Variants in NRXN1 observed in about 807,000 individuals in gnomAD.
The protein encoded by NRXN1 is neurexin-1.
Under a neutral mutation model 150.9 loss-of-function variants are expected in NRXN1, and 39 were observed. The observed-to-expected ratio is 0.26, with a 90% CI of 0.20 to 0.34. NRXN1 has a LOEUF of 0.34. Among genes scored for constraint, NRXN1 ranks in the 10% least tolerant of loss-of-function variants. The pLI, the probability that NRXN1 is intolerant of heterozygous loss-of-function variation, is 1.00. For missense variants in NRXN1, 1,815 were observed against 1,949.9 expected (o/e 0.93, Z 1.30); for synonymous variants, 924 against 757.0 (o/e 1.22, Z -3.62).
intron 15 of NRXN1, among the ~76,000 whole-genome samples, chr2:50,478,902 G>A (rs977068052): frequency 6.6e-6 from 1 of 152,070 alleles, no homozygotes. Flanking sequence ...GACATTTGTT[G>A]TTTCGTTTTC....
chr2:50,540,993 G>A (rs977299126), intron 9 of NRXN1, among the ~76,000 whole-genome samples: 1 of 151,922 alleles, frequency 6.6e-6, no homozygotes, highest in African/African-American at 2.4e-5. Context: ...AAAGAGAGAA[G>A]GATTCTACTC....
At chr2:50,006,624 T>A (rs1684807837) in intron 21 of NRXN1, among the ~76,000 whole-genome samples, 1 of 152,208 alleles carries the variant, frequency 6.6e-6, no homozygotes, top group African/African-American at 2.4e-5. Flanking sequence ...ACATTGCCTG[T>A]TGATATACCC....
chr2:50,946,019 G>T (rs1690322692), intron 2 of NRXN1, among the ~76,000 whole-genome samples: 1 of 151,092 alleles, frequency 6.6e-6, no homozygotes, highest in Non-Finnish European at 1.5e-5. Context: ...CACTTACTCT[G>T]GAATGACCAT....
intron 17 of NRXN1, among the ~76,000 whole-genome samples, chr2:50,264,276 G>A (rs1164507751): frequency 6.6e-6 from 1 of 151,936 alleles, no homozygotes; most frequent in Non-Finnish European, 1.5e-5. Context: ...ACAATTGAAC[G>A]CACACATACG....
chr2:50,497,990 TAAAC>T lies in NRXN1; in HGVS notation c.2498-280_2498-277del, dbSNP rs202093097. On this transcript the variant is annotated intron_variant, in intron 13 of 22. Transcript: ENST00000401669. ...AATGGTATCTTTTAAAGGCGAAAAA[TAAAC>T]AAATTAGCAAGAGAGTGAGCACATA... Among the ~76,000 whole-genome samples the T allele has an allele frequency of 4.0e-5, 6 of 151,812 alleles. No individual in the cohort carries two copies. The East Asian group carries it at 9.7e-4, about 25-fold the overall frequency.
rs755865232 is a variant in NRXN1 at position 50,472,424 on chromosome 2, G to C, written c.3118C>G (p.Pro1040Ala). 3.7e-6 allele frequency: 6 copies of C among 1,612,062 alleles called. No homozygotes were observed. Among genetic ancestry groups the C allele is most frequent in the Admixed American group, 1.7e-5 (1 of 59,770 alleles). ...GVAKETYKSL[P>A]KLVHAKEGFQ... Reference sequence around the variant, plus strand: ...CCTTCTTTGGCATGTACAAGTTTTGGTAAGGATTTGTATGTTTCTTTAGCT... The same window carrying C: ...CCTTCTTTGGCATGTACAAGTTTTGCTAAGGATTTGTATGTTTCTTTAGCT... The change falls in exon 16 of 23, where the codon CCA becomes GCA. Residue 1040 changes from proline (P) to alanine (A), a missense_variant. Transcript: ENST00000401669.
intron 17 of NRXN1, among the ~76,000 whole-genome samples, chr2:50,314,056 G>C (rs1251299814): frequency 2.0e-5 from 3 of 152,160 alleles, no homozygotes; most frequent in African/African-American, 7.2e-5. Flanking sequence ...GAACCTCAAA[G>C]AGAAAAAGAA....
chr2:50,803,016 G>C (rs914282863), intron 5 of NRXN1, among the ~76,000 whole-genome samples: 2 of 152,130 alleles, frequency 1.3e-5, no homozygotes, highest in African/African-American at 4.8e-5. Flanking sequence ...TTCTTTTGCT[G>C]TAAGTCACCC....
At chr2:50,284,531 A>C (rs560146800) in intron 17 of NRXN1, among the ~76,000 whole-genome samples, 3 of 152,292 alleles carry the variant, frequency 2.0e-5, no homozygotes, top group East Asian at 3.9e-4. Flanking sequence ...TATAATCTTC[A>C]TATGGAAAAA....
At chr2:50,316,533 G>A (rs971177379) in intron 17 of NRXN1, among the ~76,000 whole-genome samples, 1 of 152,018 alleles carries the variant, frequency 6.6e-6, no homozygotes, top group African/African-American at 2.4e-5. Flanking sequence ...CAATCTGTGA[G>A]AATCTCCTTA....
intron 18 of NRXN1, among the ~76,000 whole-genome samples, chr2:50,098,872 T>G (rs77992870): frequency 0.16 from 14,215 of 88,678 alleles, 1,613 homozygotes; most frequent in East Asian, 0.32. Context: ...TTTTTTTTTT[T>G]TTTTTTTTTT....
rs199935061 is a variant in NRXN1 at position 50,091,277 on chromosome 2, T to A, written c.3718+46A>T. 7.8e-5 allele frequency: 126 copies of A among 1,607,550 alleles called. No homozygotes were observed. In the African/African-American group the frequency reaches 1.4e-3, roughly 18 times the overall value. On this transcript the variant is annotated intron_variant, in intron 19 of 22. Coordinates refer to ENST00000401669, the MANE Select transcript of NRXN1 (RefSeq NM_001330078.2). ...TGCAAAACAGTGCTTTTTCTTCCAG[T>A]TTGTTTTTCATAAAATCTTCCCCCG... is the stretch of plus-strand genomic sequence containing the variant.
chr2:50,046,116 T>C (rs1457525424), intron 21 of NRXN1, among the ~76,000 whole-genome samples: 2 of 152,178 alleles, frequency 1.3e-5, no homozygotes, highest in Non-Finnish European at 2.9e-5. Flanking sequence ...GAGTGCTCAG[T>C]CAACAATAAT....
intron 21 of NRXN1, among the ~76,000 whole-genome samples, chr2:49,989,055 T>C (rs911397107): frequency 6.6e-6 from 1 of 152,150 alleles, no homozygotes; most frequent in Admixed American, 6.5e-5. Context: ...GTAACTGTAA[T>C]TGTATGCTAT....
intron 18 of NRXN1, 102 bp downstream of exon 18, chr2:50,236,687 G>C: frequency 1.0e-6 from 1 of 989,372 alleles, no homozygotes; most frequent in South Asian, 1.4e-5. Context: ...ACAAAGTACT[G>C]GTTTCTGGGG....
chr2:51,027,443 C>T (rs1380788862), intron 2 of NRXN1, 59 bp downstream of exon 2: 36 of 1,460,952 alleles, frequency 2.5e-5, no homozygotes, highest in Non-Finnish European at 3.0e-5. Flanking sequence ...CAGCCCGGTC[C>T]CCTCCTCCCC....
intron 5 of NRXN1, among the ~76,000 whole-genome samples, chr2:50,688,973 T>G (rs1691657125): frequency 6.6e-6 from 1 of 152,174 alleles, no homozygotes; most frequent in Admixed American, 6.5e-5. Context: ...CTTTTTCCAA[T>G]CTGGAGACTT....
chr2:50,993,039 A>T (rs967318032), intron 2 of NRXN1, among the ~76,000 whole-genome samples: 1 of 151,970 alleles, frequency 6.6e-6, no homozygotes, highest in African/African-American at 2.4e-5. Context: ...TATGCAAGAA[A>T]TCTAAATACA....
At chr2:50,259,963 T>C (rs1360503042) in intron 17 of NRXN1, among the ~76,000 whole-genome samples, 1 of 151,836 alleles carries the variant, frequency 6.6e-6, no homozygotes, top group Non-Finnish European at 1.5e-5. Context: ...AACCCCTGCA[T>C]GTACAGATGA....
Sources: gnomAD v4.1 joint callset for allele counts (sites outside exome capture counted in the v4.1 genomes callset) on GRCh38, gnomAD v4.1.1 for gene constraint, MANE v1.5 for transcripts, NCBI Gene and HGNC (gene_info 2026-07-23, HGNC 2026-07-21) for gene names.